NEBL: variants seen among roughly 807,000 people sequenced by gnomAD.
NEBL encodes the protein nebulette.
A neutral mutation model predicts 140.2 loss-of-function variants in NEBL; 122 were observed. The observed-to-expected ratio is 0.87, with a 90% CI of 0.75 to 1.01. The LOEUF (loss-of-function observed/expected upper bound fraction) is 1.01. Ranked by LOEUF, NEBL falls within the 50% of genes least tolerant of loss-of-function variation. NEBL has a pLI of 0.00. For synonymous variants in NEBL, 436 were observed against 398.9 expected (o/e 1.09, Z -1.11); for missense variants, 1,365 against 1,231.3 (o/e 1.11, Z -1.62).
intron 2 of NEBL, chr10:21,069,915 T>C (rs771745968): frequency 3.7e-5 from 16 of 433,334 alleles, no homozygotes; most frequent in South Asian, 2.7e-4. Context: ...TTTCCCCTGA[T>C]AGCGCAAGTC....
upstream of NEBL, among the ~76,000 whole-genome samples, chr10:21,176,833 AT>A (rs947784102): frequency 9.2e-5 from 14 of 152,044 alleles, no homozygotes; most frequent in East Asian, 3.8e-4. Flanking sequence ...ATAAAGTTGA[AT>A]TTTTTTTAGC....
intron 2 of NEBL, among the ~76,000 whole-genome samples, chr10:21,107,641 T>G (rs1411249663): frequency 1.3e-5 from 2 of 152,244 alleles, no homozygotes; most frequent in East Asian, 3.9e-4. Context: ...TTTTTTGTTG[T>G]GTCTCTTCCA....
At chr10:20,942,351 T>G (rs975619630) in intron 4 of NEBL, among the ~76,000 whole-genome samples, 3 of 152,202 alleles carry the variant, frequency 2.0e-5, no homozygotes, top group African/African-American at 7.2e-5. Flanking sequence ...CGATTCCCTA[T>G]TTAATAAATG....
intron 3 of NEBL, among the ~76,000 whole-genome samples, chr10:21,233,294 C>T (rs765697660): frequency 1.3e-5 from 2 of 152,202 alleles, no homozygotes; most frequent in Non-Finnish European, 2.9e-5. Flanking sequence ...GCAATCTGCC[C>T]GCCTTGGCCT....
rs112171555 is a variant in NEBL, at chr10:21,069,914, A to G, written c.165-49713T>C. 5.8e-5 allele frequency: 25 copies of G among 432,608 alleles called. 1 individual carries two copies. The highest frequency in any genetic ancestry group is 3.5e-4 in the African/African-American group (17 of 49,154). The allele number at this position is 432,608 out of a possible 1,614,324, so 26.8% of individuals were successfully genotyped here. On this transcript the variant is annotated intron_variant, in intron 2 of 6. Coordinates refer to the NEBL transcript ENST00000417816. ...ATAAGTCTTCTGCAATTTTCCCCTG[A>G]TAGCGCAAGTCATGTAAATATCCCC...
intron 3 of NEBL, among the ~76,000 whole-genome samples, chr10:20,962,857 G>A (rs1836113856): frequency 6.6e-6 from 1 of 152,076 alleles, no homozygotes; most frequent in Non-Finnish European, 1.5e-5. Context: ...GTAGTCTTCT[G>A]CAGAAGGTAG....
intron 2 of NEBL, among the ~76,000 whole-genome samples, chr10:21,067,911 C>A (rs1835642246): frequency 6.6e-6 from 1 of 152,036 alleles, no homozygotes. Flanking sequence ...CGCAGGAGGT[C>A]AAGGCTGCAG....
At chr10:21,030,615 G>A (rs551002763) in intron 2 of NEBL, 20 of 579,332 alleles carry the variant, frequency 3.5e-5, no homozygotes, top group East Asian at 4.3e-5. Context: ...CAGCTCAACC[G>A]TCTGAGAAAG....
At chr10:21,191,036 G>A (rs1323828025) in intron 3 of NEBL, among the ~76,000 whole-genome samples, 3 of 152,058 alleles carry the variant, frequency 2.0e-5, no homozygotes, top group Admixed American at 6.5e-5. Context: ...AATTAATAAT[G>A]CCTGAAGTAT....
intron 2 of NEBL, among the ~76,000 whole-genome samples, chr10:21,042,897 G>T (rs1030812164): frequency 6.6e-6 from 1 of 152,162 alleles, no homozygotes. Context: ...TAAACCACAT[G>T]AAAAGTAAAA....
chr10:21,267,642 C>G (rs1005383852), intron 1 of NEBL, among the ~76,000 whole-genome samples: 1 of 152,286 alleles, frequency 6.6e-6, no homozygotes, highest in South Asian at 2.1e-4. Flanking sequence ...ATGTTCCCGA[C>G]AGTGTGGTCT....
intron 3 of NEBL, among the ~76,000 whole-genome samples, chr10:21,007,071 T>C (rs79561704): frequency 0.029 from 4,465 of 152,120 alleles, 220 homozygotes; most frequent in African/African-American, 0.1. Context: ...AGGATAAACA[T>C]TTCAGTGGAG....
intron 3 of NEBL, among the ~76,000 whole-genome samples, chr10:21,219,555 G>A (rs1842039536): frequency 6.6e-6 from 1 of 152,190 alleles, no homozygotes; most frequent in South Asian, 2.1e-4. Context: ...GATGCCTGTA[G>A]CCCAAGACTG....
intron 1 of NEBL, among the ~76,000 whole-genome samples, chr10:21,254,615 A>C (rs1233716705): frequency 1.3e-5 from 2 of 152,110 alleles, no homozygotes; most frequent in Non-Finnish European, 2.9e-5. Context: ...AACTAATAAT[A>C]ATGGAATTTT....
chr10:20,840,346 A>T (rs1841296240), intron 13 of NEBL, among the ~76,000 whole-genome samples: 1 of 152,154 alleles, frequency 6.6e-6, no homozygotes, highest in Admixed American at 6.5e-5. Context: ...ATAAGGTTCA[A>T]ACAGCAGCCC....
At chr10:21,028,254 A>AAAGAAGAAGAAGAAGAAGAAGAAG (rs55945604) in intron 2 of NEBL, among the ~76,000 whole-genome samples, 63 of 70,318 alleles carry the variant, frequency 9.0e-4, no homozygotes, top group South Asian at 2.9e-3. Context: ...AAAAAAAAAA[A>AAAGAAGAAGAAGAAGAAGAAGAAG]AAGAAGAAGA....
intron 2 of NEBL, among the ~76,000 whole-genome samples, chr10:21,140,061 T>C (rs1486759743): frequency 6.6e-6 from 1 of 151,598 alleles, no homozygotes; most frequent in African/African-American, 2.4e-5. Context: ...CTCTGGAGAC[T>C]GAGGCACGAG....
At chr10:20,851,576 C>T (rs184586514) in intron 10 of NEBL, among the ~76,000 whole-genome samples, 2 of 151,304 alleles carry the variant, frequency 1.3e-5, no homozygotes, top group Non-Finnish European at 2.9e-5. Context: ...GAGTTTGAGA[C>T]CAGCCTGGCC....
At chr10:20,851,533 T>C (rs1842516208) in intron 10 of NEBL, among the ~76,000 whole-genome samples, 1 of 151,330 alleles carries the variant, frequency 6.6e-6, no homozygotes, top group African/African-American at 2.4e-5. Flanking sequence ...CCCAGCACTT[T>C]GGGAGGCCAA....
Sources: gnomAD v4.1 joint callset for allele counts (sites outside exome capture counted in the v4.1 genomes callset) on GRCh38, gnomAD v4.1.1 for gene constraint, MANE v1.5 for transcripts, NCBI Gene and HGNC (gene_info 2026-07-23, HGNC 2026-07-21) for gene names.